ANXA8: variants seen among roughly 807,000 people sequenced by gnomAD.
The protein encoded by ANXA8 is annexin A8.
ANXA8 carries 9 observed loss-of-function variants against 26.8 expected under a neutral mutation model. That is an observed-to-expected ratio of 0.34 (90% CI 0.20 to 0.59). ANXA8 has a LOEUF of 0.59. Ranked by LOEUF, ANXA8 falls within the 20% of genes least tolerant of loss-of-function variation. The pLI, the probability that ANXA8 is intolerant of heterozygous loss-of-function variation, is 0.84. For synonymous variants in ANXA8, 39 were observed against 94.8 expected, an observed-to-expected ratio of 0.41 and a Z score of 3.42; for missense variants, 83 against 238.5, an observed-to-expected ratio of 0.35 and a Z score of 4.29.
chr10:47,916,540 G>A, the ANXA8 span, among the ~76,000 whole-genome samples: 17,540 of 126,576 alleles, frequency 0.14, 684 homozygotes, highest in Middle Eastern at 0.16. Flanking sequence ...AAGTTGGCTG[G>A]CTGAGACAAG....
At chr10:47,982,174 C>T in the ANXA8 span, among the ~76,000 whole-genome samples, 4 of 150,952 alleles carry the variant, frequency 2.6e-5, no homozygotes, top group East Asian at 5.9e-4. Flanking sequence ...CCTGTAGTCC[C>T]AGCAACTTGG....
chr10:47,894,792 CACACACCACAT>C, the ANXA8 span, among the ~76,000 whole-genome samples: 1 of 152,288 alleles, frequency 6.6e-6, no homozygotes, highest in South Asian at 2.1e-4. Context: ...GCACACCACA[CACACACCACAT>C]ACACATAACA....
At chr10:47,499,124 A>T in the ANXA8 span, among the ~76,000 whole-genome samples, 18 of 135,736 alleles carry the variant, frequency 1.3e-4, no homozygotes, top group Non-Finnish European at 2.0e-4. Flanking sequence ...ATAAAAAATA[A>T]TTTTTTTAAA....
chr10:47,736,809 C>G, the ANXA8 span, among the ~76,000 whole-genome samples: 1 of 142,990 alleles, frequency 7.0e-6, no homozygotes, highest in Non-Finnish European at 1.5e-5. Flanking sequence ...TGTGCACCAC[C>G]ATGCCCAGCT....
At chr10:47,948,912 G>GT in the ANXA8 span, among the ~76,000 whole-genome samples, 1 of 150,242 alleles carries the variant, frequency 6.7e-6, no homozygotes. Flanking sequence ...TCTCCTGCAA[G>GT]TAAGAGAGAA....
At chr10:47,670,260 T>C in the ANXA8 span, among the ~76,000 whole-genome samples, 2 of 151,932 alleles carry the variant, frequency 1.3e-5, no homozygotes, top group African/African-American at 4.8e-5. Context: ...TGTTCATCAG[T>C]TGATGAACTT....
the ANXA8 span, among the ~76,000 whole-genome samples, chr10:47,516,708 C>T: frequency 1.6e-4 from 22 of 133,724 alleles, 1 homozygote; most frequent in African/African-American, 5.8e-4. Context: ...AGTTGCCCCC[C>T]ACACACACAT....
At chr10:47,610,731 T>C in the ANXA8 span, among the ~76,000 whole-genome samples, 1 of 150,002 alleles carries the variant, frequency 6.7e-6, no homozygotes, top group Non-Finnish European at 1.5e-5. Flanking sequence ...ATAACTTTTA[T>C]TTTCTGTGGA....
chr10:47,957,488 C>A, the ANXA8 span, among the ~76,000 whole-genome samples: 1 of 150,560 alleles, frequency 6.6e-6, no homozygotes, highest in Non-Finnish European at 1.5e-5. Context: ...CCTAGGGGAC[C>A]GGCTTCTTGT....
chr10:47,502,497 C>T, the ANXA8 span: 1 of 1,613,206 alleles, frequency 6.2e-7, no homozygotes, highest in African/African-American at 1.3e-5. Flanking sequence ...TGCTCCCTTC[C>T]CAGATGCTGT....
the ANXA8 span, among the ~76,000 whole-genome samples, chr10:47,918,438 A>G: frequency 5.4e-4 from 30 of 55,578 alleles, 2 homozygotes; most frequent in Non-Finnish European, 2.7e-4. Flanking sequence ...AGAAAGAGAG[A>G]GAGAAAGACA....
At chr10:47,974,902 C>T in the ANXA8 span, among the ~76,000 whole-genome samples, 2 of 149,246 alleles carry the variant, frequency 1.3e-5, 1 homozygote. Context: ...GTCTATGAGG[C>T]CCTTGTAGAT....
chr10:47,733,207 T>TTCTCTCTCTCTC, the ANXA8 span, among the ~76,000 whole-genome samples: 23 of 89,852 alleles, frequency 2.6e-4, no homozygotes, highest in South Asian at 1.2e-3. Context: ...CTTTCTTTCT[T>TTCTCTCTCTCTC]TCTTTCTTTC....
chr10:47,595,418 C>T, the ANXA8 span, among the ~76,000 whole-genome samples: 1 of 147,864 alleles, frequency 6.8e-6, no homozygotes, highest in African/African-American at 2.6e-5. Flanking sequence ...TCAATGTTAA[C>T]CTTGAACATA....
At chr10:47,735,697 G>A in the ANXA8 span, among the ~76,000 whole-genome samples, 1 of 151,578 alleles carries the variant, frequency 6.6e-6, no homozygotes, top group Admixed American at 6.6e-5. Context: ...GGAGTGCAGT[G>A]GTGTGATCAT....
chr10:47,652,847 A>G, the ANXA8 span, among the ~76,000 whole-genome samples: 1 of 149,216 alleles, frequency 6.7e-6, no homozygotes, highest in Admixed American at 6.6e-5. Context: ...TATCAATTGA[A>G]GGGTTTTAAA....
chr10:47,622,572 T>C, the ANXA8 span, among the ~76,000 whole-genome samples: 1 of 88,680 alleles, frequency 1.1e-5, no homozygotes, highest in Admixed American at 1.2e-4. Context: ...TTACCTATTG[T>C]TTCCTGAAAC....
the ANXA8 span, among the ~76,000 whole-genome samples, chr10:47,498,792 T>G: frequency 7.6e-4 from 57 of 74,996 alleles, no homozygotes; most frequent in South Asian, 1.8e-3. Flanking sequence ...AGGGGAAGGG[T>G]AATGCGGGCT....
chr10:47,660,678 G>A, the ANXA8 span, among the ~76,000 whole-genome samples: 3 of 151,732 alleles, frequency 2.0e-5, no homozygotes, highest in Non-Finnish European at 4.4e-5. Flanking sequence ...TGGGATTACA[G>A]GCGTGAGCCA....
Sources: allele counts gnomAD v4.1 joint callset (sites outside exome capture counted in the v4.1 genomes callset), GRCh38; gene constraint gnomAD v4.1.1; transcripts MANE v1.5; gene names NCBI Gene and HGNC (gene_info 2026-07-23, HGNC 2026-07-21).